LRBA: variants seen among roughly 807,000 people sequenced by gnomAD.
The protein encoded by LRBA is lipopolysaccharide-responsive and beige-like anchor protein.
A neutral mutation model predicts 330.0 loss-of-function variants in LRBA; 176 were observed. The observed-to-expected ratio is 0.53, with a 90% confidence interval of 0.47 to 0.60. LRBA has a LOEUF of 0.60. LRBA is among the 20% of genes least tolerant of loss of function. The pLI is 0.00. For missense variants in LRBA, 3,259 were observed against 3,444.8 expected (o/e 0.95, Z 1.35); for synonymous variants, 1,230 against 1,193.0 (o/e 1.03, Z -0.64).
At chr4:150,717,216 A>C (rs1176953867) in intron 36 of LRBA, among the ~76,000 whole-genome samples, 2 of 152,186 alleles carry the variant, frequency 1.3e-5, no homozygotes, top group Non-Finnish European at 2.9e-5. Flanking sequence ...CTGTTATGAT[A>C]ATTTATTTTA....
intron 30 of LRBA, among the ~76,000 whole-genome samples, chr4:150,825,971 A>C (rs764031073): frequency 8.5e-5 from 13 of 152,308 alleles, no homozygotes; most frequent in Middle Eastern, 3.4e-3. Flanking sequence ...AGGAGGCAAA[A>C]AAACAAACAA....
intron 47 of LRBA, among the ~76,000 whole-genome samples, chr4:150,366,579 C>G (rs113163527): frequency 5.3e-5 from 8 of 152,106 alleles, no homozygotes; most frequent in African/African-American, 1.7e-4. Context: ...GGAGCTAGGC[C>G]GAGAGATGCA....
chr4:150,743,296 A>T (rs1399449427), intron 35 of LRBA, among the ~76,000 whole-genome samples: 1 of 152,170 alleles, frequency 6.6e-6, no homozygotes, highest in African/African-American at 2.4e-5. Flanking sequence ...CGCTATATGA[A>T]CATGTTCCCA....
intron 37 of LRBA, among the ~76,000 whole-genome samples, chr4:150,626,034 T>C (rs558366554): frequency 2.0e-5 from 3 of 152,040 alleles, no homozygotes; most frequent in Non-Finnish European, 4.4e-5. Flanking sequence ...GGGATTCTAA[T>C]GTCTAGCCAG....
At chr4:150,489,729 TATA>T (rs1403373029) in intron 41 of LRBA, among the ~76,000 whole-genome samples, 27 of 133,254 alleles carry the variant, frequency 2.0e-4, no homozygotes, top group Non-Finnish European at 3.4e-4. Context: ...ATATATAATA[TATA>T]ATAATTATAC....
At chr4:150,786,175 C>A (rs879190472) in intron 34 of LRBA, among the ~76,000 whole-genome samples, 2 of 152,066 alleles carry the variant, frequency 1.3e-5, no homozygotes, top group Non-Finnish European at 2.9e-5. Flanking sequence ...TAATTACTCC[C>A]GTAAATAACA....
intron 40 of LRBA, among the ~76,000 whole-genome samples, chr4:150,495,743 T>C (rs1428623012): frequency 3.9e-5 from 6 of 152,188 alleles, no homozygotes; most frequent in African/African-American, 1.4e-4. Flanking sequence ...CAGACCCTTC[T>C]TTGGGACTTT....
chr4:150,853,854 G>C (rs1287373231), intron 22 of LRBA, among the ~76,000 whole-genome samples: 1 of 152,032 alleles, frequency 6.6e-6, no homozygotes, highest in African/African-American at 2.4e-5. Flanking sequence ...GAAAGTATTA[G>C]CCTAATTATA....
At chr4:150,658,933 G>A (rs755251403) in intron 37 of LRBA, among the ~76,000 whole-genome samples, 56 of 50,372 alleles carry the variant, frequency 1.1e-3, no homozygotes, top group South Asian at 2.6e-3. Flanking sequence ...TGGCCGGGCC[G>A]GTCTCCAGCC....
chr4:150,844,177 A>G lies in LRBA; in HGVS notation c.4492T>C (p.Ser1498Pro). Residue 1498 changes from serine to proline, a missense_variant, in exon 28 of 57, where the codon TCT (serine) becomes CCT (proline). Physicochemically the swap from Ser to Pro is moderately conservative, Grantham distance 74. Coordinates refer to ENST00000651943, the MANE Select transcript of LRBA (RefSeq NM_001364905.1). Reference sequence around the variant, plus strand: ...AGCCTGTCAAGATCTCTTACTGGAGATATACCGCCAGTCACAATGTCCACT... The same window carrying G: ...AGCCTGTCAAGATCTCTTACTGGAGGTATACCGCCAGTCACAATGTCCACT... ...SPVDIVTGGI[S>P]PVRDLDRLLQ... 6.2e-7 allele frequency: 1 copy of G among 1,609,236 alleles called. No individual in the cohort carries two copies. Among genetic ancestry groups the G allele is most frequent in the Non-Finnish European group, 8.5e-7 (1 of 1,176,472 alleles).
intron 56 of LRBA, among the ~76,000 whole-genome samples, chr4:150,267,202 G>GTA (rs1745459695): frequency 6.6e-6 from 1 of 152,182 alleles, no homozygotes; most frequent in South Asian, 2.1e-4. Context: ...CCTGACACAC[G>GTA]TATATAGAAC....
intron 40 of LRBA, among the ~76,000 whole-genome samples, chr4:150,550,932 A>G (rs1172533758): frequency 6.6e-6 from 1 of 152,206 alleles, no homozygotes; most frequent in Non-Finnish European, 1.5e-5. Flanking sequence ...ACAAACTGCT[A>G]TGGTTTGACC....
chr4:150,881,036 C>A (rs1255890831), intron 17 of LRBA, among the ~76,000 whole-genome samples: 2 of 152,128 alleles, frequency 1.3e-5, no homozygotes, highest in African/African-American at 2.4e-5. Flanking sequence ...AGTCAAAAAA[C>A]AACTGATTCT....
Position 150,678,900 on chromosome 4 carries a change from G to A in LRBA, c.5921+4651C>T, listed in dbSNP as rs548702066. On this transcript the variant is annotated intron_variant, in intron 37 of 56. Transcript: ENST00000651943. ...TGCTTGATTATCCACATAGCGTAAC[G>A]GAATCAAATGCCTAAGATGAACTCT... Among the ~76,000 whole-genome samples the A allele has an allele frequency of 3.3e-5, 5 of 152,056 alleles. 1 individual carries two copies. In the South Asian group the frequency reaches 8.3e-4, roughly 25 times the overall value.
At chr4:150,426,516 T>G (rs910598008) in intron 46 of LRBA, among the ~76,000 whole-genome samples, 8 of 152,064 alleles carry the variant, frequency 5.3e-5, no homozygotes, top group African/African-American at 1.7e-4. Flanking sequence ...TCACCTCAAT[T>G]GCCATTTCAA....
intron 40 of LRBA, among the ~76,000 whole-genome samples, chr4:150,500,918 T>A (rs567932151): frequency 6.6e-6 from 1 of 152,306 alleles, no homozygotes; most frequent in African/African-American, 2.4e-5. Flanking sequence ...TCTACTTTTT[T>A]AAAATTAGTA....
At chr4:150,814,275 GA>G (rs1297299720) in intron 31 of LRBA, among the ~76,000 whole-genome samples, 1 of 152,002 alleles carries the variant, frequency 6.6e-6, no homozygotes. Context: ...ACTGACAAGG[GA>G]AAGAGAACTA....
rs1745165957 is a variant in LRBA, at chr4:150,265,318, G to GCAT, written c.*401_*403dup. 1 of 160,100 alleles carries GCAT rather than the reference G, an allele frequency of 6.2e-6. No homozygotes were observed. Among genetic ancestry groups the GCAT allele is most frequent in the African/African-American group, 2.4e-5 (1 of 41,508 alleles). 9.9% of individuals were successfully genotyped at this position (160,100 alleles called of 1,614,324 possible). Reference sequence around the variant, plus strand: ...GGAAAAATACAGGACCCAAATTACAGCATCAAATTTTCCTATTCCAATATT... The same window carrying GCAT: ...GGAAAAATACAGGACCCAAATTACAGCATCATCAAATTTTCCTATTCCAATATT... On this transcript the variant is annotated 3_prime_UTR_variant, in exon 57 of 57. Transcript: ENST00000651943.
At chr4:150,273,960 T>C (rs1425880550) in intron 56 of LRBA, among the ~76,000 whole-genome samples, 1 of 152,176 alleles carries the variant, frequency 6.6e-6, no homozygotes, top group Admixed American at 6.5e-5. Flanking sequence ...CAAGCAGACC[T>C]AACAGACATC....
Sources: gnomAD v4.1 joint callset for allele counts (sites outside exome capture counted in the v4.1 genomes callset) on GRCh38, gnomAD v4.1.1 for gene constraint, MANE v1.5 for transcripts, NCBI Gene and HGNC (gene_info 2026-07-23, HGNC 2026-07-21) for gene names.